The following CALN1 variants were observed in gnomAD, a reference collection of about 807,000 sequenced individuals.
CALN1 encodes calcium-binding protein 8.
CALN1 carries 17 observed loss-of-function variants against 30.6 expected under a neutral mutation model. The ratio of observed to expected loss-of-function variants is 0.56; its 90% CI spans 0.38 to 0.83. The LOEUF (loss-of-function observed/expected upper bound fraction) is 0.83, where lower values mean the gene tolerates loss of function less well. Among genes scored for constraint, CALN1 ranks in the 40% least tolerant of loss-of-function variants. The probability of loss-of-function intolerance (pLI) is 0.00; values close to 1 mark genes in which losing one functional copy is unlikely to be tolerated. For synonymous variants in CALN1, 156 were observed against 131.4 expected (o/e 1.19, Z -1.28); for missense variants, 291 against 354.9 (o/e 0.82, Z 1.45).
chr7:71,916,101 T>C (rs1794677024), intron 5 of CALN1, among the ~76,000 whole-genome samples: 1 of 152,162 alleles, frequency 6.6e-6, no homozygotes, highest in African/African-American at 2.4e-5. Context: ...GGATTATTTG[T>C]TTTTAATGTG....
intron 1 of CALN1, among the ~76,000 whole-genome samples, chr7:72,436,619 A>G (rs1280960316): frequency 1.3e-5 from 2 of 152,112 alleles, no homozygotes; most frequent in Admixed American, 6.6e-5. Flanking sequence ...GCCTGACCCA[A>G]GGGAAATGAG....
intron 5 of CALN1, among the ~76,000 whole-genome samples, chr7:71,926,009 A>G (rs557879480): frequency 1.3e-5 from 2 of 152,222 alleles, no homozygotes; most frequent in Admixed American, 6.5e-5. Flanking sequence ...ACCTGCCGCC[A>G]TGCCTGGCTA....
chr7:72,236,294 C>T (rs1794472224), intron 3 of CALN1, among the ~76,000 whole-genome samples: 1 of 152,036 alleles, frequency 6.6e-6, no homozygotes, highest in Non-Finnish European at 1.5e-5. Flanking sequence ...GTTGACTTGG[C>T]TTGTAAGGCT....
At position 71,931,423 on chromosome 7, in the gene CALN1, C is replaced by T. The variant is rs139039324; in HGVS notation, c.501+92234G>A. 2.6e-4 allele frequency among the ~76,000 whole-genome samples: 39 copies of T among 152,296 alleles called. No homozygotes were observed. The East Asian group carries it at 3.9e-3, about 15-fold the overall frequency. ...CTGGGATTACAGGCATGTGCCACAA[C>T]ACCCAGTCGATTTTTGTATTTTTAG... On this transcript the variant is annotated intron_variant, in intron 5 of 6. Coordinates refer to ENST00000395275, the MANE Select transcript of CALN1 (RefSeq NM_031468.4).
At chr7:71,980,798 G>A (rs1164869744) in intron 5 of CALN1, among the ~76,000 whole-genome samples, 1 of 143,150 alleles carries the variant, frequency 7.0e-6, no homozygotes, top group Non-Finnish European at 1.5e-5. Flanking sequence ...TACAGAAACA[G>A]AGAGAGGTAG....
intron 2 of CALN1, among the ~76,000 whole-genome samples, chr7:72,370,643 C>T (rs189810958): frequency 5.2e-4 from 76 of 144,854 alleles, no homozygotes; most frequent in Admixed American, 2.3e-3. Context: ...GGTGACAGAG[C>T]GAGACTCCGT....
At chr7:71,860,913 T>C (rs1791232570) in intron 5 of CALN1, among the ~76,000 whole-genome samples, 1 of 152,152 alleles carries the variant, frequency 6.6e-6, no homozygotes, top group Non-Finnish European at 1.5e-5. Flanking sequence ...AGGCAGAGGA[T>C]GATCCCACGG....
intron 2 of CALN1, among the ~76,000 whole-genome samples, chr7:72,396,729 T>C (rs1805987241): frequency 6.6e-6 from 1 of 152,006 alleles, no homozygotes; most frequent in Non-Finnish European, 1.5e-5. Context: ...TTGTTTTAAT[T>C]GTGAGGGAGA....
rs879928403 is a variant in CALN1 at position 72,098,774 on chromosome 7, A to G, written c.388+7377T>C. On this transcript the variant is annotated intron_variant, in intron 4 of 6. Coordinates refer to ENST00000395275, the MANE Select transcript of CALN1 (RefSeq NM_031468.4). Reference sequence around the variant, plus strand: ...CAGCCCATTTGGCGCGCACACACACACACACACACACACACACACACACAC... The same window carrying G: ...CAGCCCATTTGGCGCGCACACACACGCACACACACACACACACACACACAC... 3.3e-3 allele frequency among the ~76,000 whole-genome samples: 480 copies of G among 144,358 alleles called. 3 individuals carry two copies. The highest frequency in any genetic ancestry group is 7.0e-3 in the Middle Eastern group (2 of 286). The allele number at this position is 144,358 out of a possible 152,430, so 94.7% of individuals were successfully genotyped here. A position where few individuals can be genotyped will look rare whatever the true frequency, so the allele number is the denominator to read the frequency against.
At chr7:71,998,095 G>T (rs1051434141) in intron 5 of CALN1, among the ~76,000 whole-genome samples, 1 of 152,054 alleles carries the variant, frequency 6.6e-6, no homozygotes, top group South Asian at 2.1e-4. Flanking sequence ...AAAGTGCTGG[G>T]ATTATAGTCG....
At chr7:71,969,839 T>TTG (rs1584638594) in intron 5 of CALN1, among the ~76,000 whole-genome samples, 1 of 152,052 alleles carries the variant, frequency 6.6e-6, no homozygotes, top group East Asian at 1.9e-4. Context: ...TTTTTTTTTT[T>TTG]TTTGAGACAG....
intron 2 of CALN1, among the ~76,000 whole-genome samples, chr7:72,387,239 G>GGGAAGGGAGGGGA (rs1562939043): frequency 2.6e-5 from 1 of 39,092 alleles, no homozygotes; most frequent in African/African-American, 1.2e-4. Flanking sequence ...AGGGAAGGGA[G>GGGAAGGGAGGGGA]GGGAGGGAGG....
At chr7:72,156,102 T>C (rs1787660620) in intron 3 of CALN1, among the ~76,000 whole-genome samples, 1 of 152,098 alleles carries the variant, frequency 6.6e-6, no homozygotes, top group Non-Finnish European at 1.5e-5. Flanking sequence ...GCAGGGGCCA[T>C]CATTCAGCTA....
chr7:72,427,887 C>T (rs932390050), intron 1 of CALN1, among the ~76,000 whole-genome samples: 21 of 152,048 alleles, frequency 1.4e-4, no homozygotes, highest in African/African-American at 3.4e-4. Flanking sequence ...ATGACTGTTG[C>T]GTGGTCCAGC....
At chr7:72,271,570 A>G (rs1160517160) in intron 3 of CALN1, among the ~76,000 whole-genome samples, 1 of 109,222 alleles carries the variant, frequency 9.2e-6, no homozygotes, top group Non-Finnish European at 1.8e-5. Flanking sequence ...CTTTTAAAAA[A>G]AAAAAATATA....
At chr7:72,475,649 C>A in the CALN1 span, among the ~76,000 whole-genome samples, 1 of 152,180 alleles carries the variant, frequency 6.6e-6, no homozygotes, top group Non-Finnish European at 1.5e-5. Flanking sequence ...AAATGAATTT[C>A]ATGGCATATG....
intron 6 of CALN1, among the ~76,000 whole-genome samples, chr7:71,788,406 C>T (rs114280699): frequency 6.6e-6 from 1 of 151,474 alleles, no homozygotes; most frequent in African/African-American, 2.4e-5. Flanking sequence ...TGACTTCTTG[C>T]ATTATTTCAG....
At chr7:71,922,053 G>A (rs144172062) in intron 5 of CALN1, among the ~76,000 whole-genome samples, 1 of 152,328 alleles carries the variant, frequency 6.6e-6, no homozygotes, top group East Asian at 1.9e-4. Flanking sequence ...GCCAAACAGA[G>A]GTGAGCCTGC....
chr7:72,434,396 C>T (rs752206360), intron 1 of CALN1, among the ~76,000 whole-genome samples: 6 of 150,978 alleles, frequency 4.0e-5, no homozygotes, highest in African/African-American at 7.3e-5. Context: ...CTGGCGGGCA[C>T]CTGTAATCAC....
Sources: gnomAD v4.1 joint callset for allele counts (sites outside exome capture counted in the v4.1 genomes callset) on GRCh38, gnomAD v4.1.1 for gene constraint, MANE v1.5 for transcripts, NCBI Gene and HGNC (gene_info 2026-07-23, HGNC 2026-07-21) for gene names.